Variants in ANO4 observed in about 807,000 individuals in gnomAD.
The protein encoded by ANO4 is anoctamin 4, also known as anoctamin-4.
A neutral mutation model predicts 141.9 loss-of-function variants in ANO4; 69 were observed. That is an observed-to-expected ratio of 0.49 (90% confidence interval 0.40 to 0.59). ANO4 has a LOEUF of 0.59. ANO4 is among the 20% of genes least tolerant of loss of function. The pLI, the probability that ANO4 is intolerant of heterozygous loss-of-function variation, is 0.00. For synonymous variants in ANO4, 350 were observed against 394.3 expected, an observed-to-expected ratio of 0.89 and a Z score of 1.33; for missense variants, 894 against 1,162.2, an observed-to-expected ratio of 0.77 and a Z score of 3.36.
intron 1 of ANO4, among the ~76,000 whole-genome samples, chr12:100,880,581 A>G (rs1197239745): frequency 6.6e-6 from 1 of 152,216 alleles, no homozygotes; most frequent in Non-Finnish European, 1.5e-5. Flanking sequence ...ATACAATCAC[A>G]AGGATTAGAA....
At chr12:100,732,270 A>G (rs886322868) in intron 1 of ANO4, among the ~76,000 whole-genome samples, 2 of 152,160 alleles carry the variant, frequency 1.3e-5, no homozygotes, top group African/African-American at 4.8e-5. Flanking sequence ...GGCCATTCTA[A>G]TAAATGTGTA....
chr12:100,737,539 G>C (rs2031669046), intron 2 of ANO4, among the ~76,000 whole-genome samples: 1 of 152,180 alleles, frequency 6.6e-6, no homozygotes, highest in African/African-American at 2.4e-5. Context: ...AGGATGGGAA[G>C]GAGCCTTGTG....
chr12:101,124,957 CTT>C (rs1259804833), intron 26 of ANO4, among the ~76,000 whole-genome samples: 2 of 152,134 alleles, frequency 1.3e-5, no homozygotes, highest in African/African-American at 4.8e-5. Context: ...TATTTGGACT[CTT>C]TTTTGGTTCC....
chr12:100,906,458 C>A (rs1023429265), intron 2 of ANO4, among the ~76,000 whole-genome samples: 1 of 152,058 alleles, frequency 6.6e-6, no homozygotes, highest in Admixed American at 6.6e-5. Context: ...ATCTTAATAA[C>A]ATTTATTTAA....
chr12:100,907,563 A>AC (rs1330634822), intron 2 of ANO4, among the ~76,000 whole-genome samples: 1 of 152,190 alleles, frequency 6.6e-6, no homozygotes, highest in Non-Finnish European at 1.5e-5. Flanking sequence ...CACTCCTAAC[A>AC]TCATGCGTTG....
intron 2 of ANO4, among the ~76,000 whole-genome samples, chr12:100,734,815 TTAAG>T (rs1305095385): frequency 1.3e-5 from 2 of 152,270 alleles, no homozygotes; most frequent in South Asian, 2.1e-4. Flanking sequence ...ATGAGGTTAC[TTAAG>T]TATGTTCAAA....
At chr12:101,048,260 A>G (rs1593120870) in intron 13 of ANO4, 81 bp from the exon 14 acceptor site, 2 of 1,465,366 alleles carry the variant, frequency 1.4e-6, no homozygotes, top group Admixed American at 1.7e-5. Context: ...AATCACAGCT[A>G]TTTTTACAGA....
intron 14 of ANO4, among the ~76,000 whole-genome samples, chr12:101,065,725 A>G (rs1418726827): frequency 6.6e-6 from 1 of 152,200 alleles, no homozygotes; most frequent in Non-Finnish European, 1.5e-5. Flanking sequence ...TGTTCTAAAA[A>G]ATGGAAGAGG....
chr12:101,063,984 AATG>A (rs2048468400), intron 14 of ANO4, among the ~76,000 whole-genome samples: 1 of 151,490 alleles, frequency 6.6e-6, no homozygotes, highest in Admixed American at 6.6e-5. Context: ...TTTTGGTTTT[AATG>A]ATGTTTTTCT....
rs1244263682 is a variant in ANO4, at chr12:101,094,442, T to C, written c.1738+150T>C. On this transcript the variant is annotated intron_variant, in intron 18 of 27. Transcript: ENST00000392977. ...TTTTTCTTTGCCTTCAACAGAATAA[T>C]TTAAATATGTCTAGTAATTTTTCTA... 4 of 526,702 alleles carry C rather than the reference T, an allele frequency of 7.6e-6. No individual in the cohort carries two copies. In the East Asian group the frequency reaches 9.7e-5, roughly 13 times the overall value. The allele number at this position is 526,702 out of a possible 1,614,324, so 32.6% of individuals were successfully genotyped here.
intron 10 of ANO4, chr12:101,038,989 G>A (rs1057108754): frequency 2.0e-5 from 3 of 152,096 alleles, no homozygotes; most frequent in Admixed American, 6.6e-5. Flanking sequence ...AGAAAGTACC[G>A]TTTCTCTTTG....
intron 9 of ANO4, among the ~76,000 whole-genome samples, chr12:101,027,968 G>T (rs1364503449): frequency 2.0e-5 from 3 of 152,142 alleles, no homozygotes; most frequent in Non-Finnish European, 4.4e-5. Flanking sequence ...AGAAGAAGGA[G>T]CAGGCACCCA....
intron 1 of ANO4, among the ~76,000 whole-genome samples, chr12:100,725,936 G>T (rs1016973153): frequency 6.6e-6 from 1 of 152,166 alleles, no homozygotes; most frequent in African/African-American, 2.4e-5. Context: ...CAATAGAAAA[G>T]AAAGGGAAGG....
intron 25 of ANO4, among the ~76,000 whole-genome samples, chr12:101,119,115 C>A (rs1593316190): frequency 6.6e-6 from 1 of 151,968 alleles, no homozygotes; most frequent in South Asian, 2.1e-4. Context: ...TCCAGTCTAT[C>A]ATTGATGGAG....
intron 26 of ANO4, among the ~76,000 whole-genome samples, chr12:101,125,131 CCTTT>C (rs1211961082): frequency 6.6e-6 from 1 of 152,178 alleles, no homozygotes; most frequent in Non-Finnish European, 1.5e-5. Context: ...CTGCTTGTGT[CCTTT>C]CTGATTTCCT....
chr12:100,820,466 G>C (rs921235301), intron 1 of ANO4, among the ~76,000 whole-genome samples: 3 of 151,842 alleles, frequency 2.0e-5, no homozygotes, highest in African/African-American at 7.3e-5. Flanking sequence ...ACTCTGTGTT[G>C]AAATGTATTT....
At chr12:100,896,760 A>T (rs926881332) in intron 1 of ANO4, among the ~76,000 whole-genome samples, 2 of 152,214 alleles carry the variant, frequency 1.3e-5, no homozygotes, top group Non-Finnish European at 2.9e-5. Context: ...TTAAAAACAG[A>T]TGAGCAGAGG....
At chr12:100,956,805 TAGAAA>T (rs1286441795) in intron 5 of ANO4, among the ~76,000 whole-genome samples, 3 of 152,232 alleles carry the variant, frequency 2.0e-5, no homozygotes, top group Admixed American at 1.3e-4. Flanking sequence ...CACGTATCTG[TAGAAA>T]CTCCAGTCAA....
At chr12:100,938,753 A>G (rs1344991476) in intron 3 of ANO4, among the ~76,000 whole-genome samples, 1 of 152,174 alleles carries the variant, frequency 6.6e-6, no homozygotes, top group African/African-American at 2.4e-5. Flanking sequence ...TCAATTCAGG[A>G]TAAGAGGAAG....
Sources: gnomAD v4.1 joint callset for allele counts (sites outside exome capture counted in the v4.1 genomes callset) on GRCh38, gnomAD v4.1.1 for gene constraint, MANE v1.5 for transcripts, NCBI Gene and HGNC (gene_info 2026-07-23, HGNC 2026-07-21) for gene names.